The following GRID2 variants were observed in gnomAD, a reference collection of about 807,000 sequenced individuals.
GRID2 encodes the protein glutamate ionotropic receptor delta type subunit 2.
A neutral mutation model predicts 114.8 loss-of-function variants in GRID2; 33 were observed. The ratio of observed to expected loss-of-function variants is 0.29; its 90% CI spans 0.22 to 0.38. The LOEUF (loss-of-function observed/expected upper bound fraction) is 0.38, where lower values mean the gene tolerates loss of function less well. GRID2 is among the 10% of genes least tolerant of loss of function. The pLI, the probability that GRID2 is intolerant of heterozygous loss-of-function variation, is 1.00. For synonymous variants in GRID2, 505 were observed against 449.9 expected, an observed-to-expected ratio of 1.12 and a Z score of -1.55; for missense variants, 1,184 against 1,257.7, an observed-to-expected ratio of 0.94 and a Z score of 0.89.
chr4:93,216,717 C>A (rs768010612), intron 5 of GRID2, 21 bp from the exon 6 acceptor site: 1 of 1,539,960 alleles, frequency 6.5e-7, no homozygotes, highest in Non-Finnish European at 9.0e-7. Context: ...ATCTCTAATT[C>A]TTCCACCTCT....
chr4:92,459,163 C>T (rs1455100409), intron 1 of GRID2, among the ~76,000 whole-genome samples: 3 of 152,016 alleles, frequency 2.0e-5, no homozygotes, highest in African/African-American at 7.2e-5. Context: ...AAAACAGTAA[C>T]TTAAAATTTA....
intron 2 of GRID2, among the ~76,000 whole-genome samples, chr4:93,041,725 C>A (rs1393846071): frequency 6.6e-6 from 1 of 151,994 alleles, no homozygotes; most frequent in Non-Finnish European, 1.5e-5. Context: ...CTGAAAAAAT[C>A]ACATTTTACA....
At chr4:92,472,991 A>C (rs1054458348) in intron 1 of GRID2, among the ~76,000 whole-genome samples, 1 of 152,034 alleles carries the variant, frequency 6.6e-6, no homozygotes, top group African/African-American at 2.4e-5. Context: ...CTAAATTTAC[A>C]AAGATTTTTT....
chr4:92,460,053 T>TATATATATATATATATACAC (rs1032538170), intron 1 of GRID2, among the ~76,000 whole-genome samples: 13 of 99,770 alleles, frequency 1.3e-4, no homozygotes, highest in Non-Finnish European at 2.2e-4. Context: ...TATATATATA[T>TATATATATATATATATACAC]ACACACACAA....
At chr4:92,490,126 C>T (rs1010294139) in intron 1 of GRID2, among the ~76,000 whole-genome samples, 6 of 152,104 alleles carry the variant, frequency 3.9e-5, no homozygotes, top group African/African-American at 1.4e-4. Context: ...TTCTGTTACT[C>T]ATGCTTTATA....
At chr4:93,299,647 A>G (rs1754662704) in intron 8 of GRID2, among the ~76,000 whole-genome samples, 1 of 151,970 alleles carries the variant, frequency 6.6e-6, no homozygotes, top group Non-Finnish European at 1.5e-5. Context: ...ACATGTATAC[A>G]TATGTAACAA....
At chr4:93,430,627 C>A (rs1769319052) in intron 10 of GRID2, among the ~76,000 whole-genome samples, 1 of 152,226 alleles carries the variant, frequency 6.6e-6, no homozygotes, top group African/African-American at 2.4e-5. Flanking sequence ...ATGCACTGTG[C>A]TAGGCACTGG....
chr4:93,694,938 G>A (rs920467295), intron 14 of GRID2, among the ~76,000 whole-genome samples: 2 of 152,106 alleles, frequency 1.3e-5, no homozygotes, highest in East Asian at 1.9e-4. Flanking sequence ...TTGGGAGGCC[G>A]AGACGGGCGG....
intron 2 of GRID2, among the ~76,000 whole-genome samples, chr4:93,021,080 T>C (rs1374454976): frequency 6.6e-6 from 1 of 151,638 alleles, no homozygotes; most frequent in East Asian, 1.9e-4. Flanking sequence ...CAGTAATTAA[T>C]AATCCTGTCA....
At chr4:92,695,626 A>G (rs945639922) in intron 2 of GRID2, among the ~76,000 whole-genome samples, 1 of 152,142 alleles carries the variant, frequency 6.6e-6, no homozygotes, top group Non-Finnish European at 1.5e-5. Context: ...ACAAATGCTA[A>G]TATCTTAGAT....
chr4:93,772,475 C>A lies in GRID2; in HGVS notation c.3001C>A (p.Pro1001Thr). Residue 1001 changes from proline to threonine, a missense_variant, in exon 16 of 16, where the codon CCA (proline) becomes ACA (threonine). By Grantham distance (38) the Pro-to-Thr change is conservative. Coordinates refer to ENST00000282020, the MANE Select transcript of GRID2 (RefSeq NM_001510.4). ...PTLGLNLGND[P>T]DRGTSI ...CCTGGGGCTCAATCTGGGTAATGAT[C>A]CAGACCGAGGCACCTCCATATGAGC... is the stretch of plus-strand genomic sequence containing the variant. 1 of 1,600,858 alleles carries A rather than the reference C, an allele frequency of 6.2e-7. No individual in the cohort carries two copies. Among genetic ancestry groups the A allele is most frequent in the Non-Finnish European group, 8.5e-7 (1 of 1,172,756 alleles).
chr4:93,469,937 C>T (rs554334445), intron 11 of GRID2, among the ~76,000 whole-genome samples: 1 of 152,116 alleles, frequency 6.6e-6, no homozygotes, highest in East Asian at 1.9e-4. Context: ...ATATTCAGTC[C>T]TCCAAATACA....
At chr4:92,640,887 A>G (rs72882163) in intron 2 of GRID2, among the ~76,000 whole-genome samples, 1,813 of 151,954 alleles carry the variant, frequency 0.012, 37 homozygotes, top group African/African-American at 0.042. Context: ...TACATGATAC[A>G]TTTTATTTGT....
chr4:93,201,128 G>T (rs566190470), intron 4 of GRID2, among the ~76,000 whole-genome samples: 121 of 152,196 alleles, frequency 8.0e-4, no homozygotes, highest in African/African-American at 2.8e-3. Flanking sequence ...AAAGCTATAT[G>T]TTCCATAATA....
intron 2 of GRID2, among the ~76,000 whole-genome samples, chr4:93,059,580 A>G (rs1432870241): frequency 6.6e-6 from 1 of 152,100 alleles, no homozygotes; most frequent in Non-Finnish European, 1.5e-5. Flanking sequence ...ATTATTTTCA[A>G]TTTTATGATG....
At chr4:92,775,445 T>G (rs1738747172) in intron 2 of GRID2, among the ~76,000 whole-genome samples, 1 of 152,028 alleles carries the variant, frequency 6.6e-6, no homozygotes, top group Non-Finnish European at 1.5e-5. Context: ...GACAGTAAAT[T>G]TTATGTATCA....
chr4:92,313,073 ACT>A (rs1232986022), intron 1 of GRID2, among the ~76,000 whole-genome samples: 1 of 138,974 alleles, frequency 7.2e-6, no homozygotes. Flanking sequence ...GGATAAAGAA[ACT>A]CTGATATGTG....
chr4:92,381,913 G>A (rs948606317), intron 1 of GRID2, among the ~76,000 whole-genome samples: 3 of 151,932 alleles, frequency 2.0e-5, no homozygotes, highest in Non-Finnish European at 4.4e-5. Flanking sequence ...TAAAGACAAT[G>A]AATCTCAGAT....
intron 8 of GRID2, among the ~76,000 whole-genome samples, chr4:93,277,047 G>C (rs1752129179): frequency 6.6e-6 from 1 of 151,664 alleles, no homozygotes; most frequent in Non-Finnish European, 1.5e-5. Context: ...GTGGAAAAGG[G>C]GATACAGATG....
Sources: allele counts gnomAD v4.1 joint callset (sites outside exome capture counted in the v4.1 genomes callset), GRCh38; gene constraint gnomAD v4.1.1; transcripts MANE v1.5; gene names NCBI Gene and HGNC (gene_info 2026-07-23, HGNC 2026-07-21).